Variants in LAMA1 observed in about 807,000 individuals in gnomAD.
LAMA1 encodes laminin subunit alpha-1.
A neutral mutation model predicts 348.7 loss-of-function variants in LAMA1; 219 were observed. That is an observed-to-expected ratio of 0.63 (90% CI 0.56 to 0.70). The LOEUF (loss-of-function observed/expected upper bound fraction) is 0.70, where lower values mean the gene tolerates loss of function less well. Among genes scored for constraint, LAMA1 ranks in the 30% least tolerant of loss-of-function variants. The pLI, the probability that LAMA1 is intolerant of heterozygous loss-of-function variation, is 0.00. For missense variants in LAMA1, 3,744 were observed against 3,888.0 expected (o/e 0.96, Z 0.99); for synonymous variants, 1,487 against 1,491.0 (o/e 1.00, Z 0.06).
intron 1 of LAMA1, among the ~76,000 whole-genome samples, chr18:7,103,278 G>A (rs942738759): frequency 6.6e-5 from 10 of 152,098 alleles, no homozygotes; most frequent in South Asian, 2.1e-4. Context: ...GGTGGCGGGC[G>A]CCTGTAGTCC....
At chr18:7,026,978 C>T (rs562594255) in intron 16 of LAMA1, among the ~76,000 whole-genome samples, 8 of 146,532 alleles carry the variant, frequency 5.5e-5, no homozygotes, top group South Asian at 4.3e-4. Context: ...AGCGAGACTC[C>T]GTCTCAAAAA....
At position 6,942,160 on chromosome 18, in the gene LAMA1, C is replaced by T. The variant is rs145749697; in HGVS notation, c.9147G>A (p.Pro3049=). The change falls in exon 63 of 63, where the codon CCG becomes CCA. Residue 3049 remains proline (P), a synonymous_variant. Coordinates refer to ENST00000389658, the MANE Select transcript of LAMA1 (RefSeq NM_005559.4). ...CLRKLALIKS[P]QVQSFDFSRA... is the part of the protein sequence containing the mutation. ...TGCTGAAGTCAAAGGACTGCACCTG[C>T]GGGCTCTTAATCAGAGCTAGCTTCC... 432 of 1,614,148 alleles carry T rather than the reference C, an allele frequency of 2.7e-4. No individual in the cohort carries two copies. Among genetic ancestry groups the T allele is most frequent in the Non-Finnish European group, 3.5e-4 (414 of 1,180,042 alleles).
chr18:7,040,354 G>A, intron 9 of LAMA1, 118 bp from the exon 10 acceptor site: 1 of 1,017,106 alleles, frequency 9.8e-7, no homozygotes, highest in Non-Finnish European at 1.5e-6. Flanking sequence ...TTTGGCCTCA[G>A]AGTCTCATTT....
chr18:7,047,918 T>C (rs1366762719), intron 5 of LAMA1, among the ~76,000 whole-genome samples: 1 of 152,094 alleles, frequency 6.6e-6, no homozygotes, highest in Non-Finnish European at 1.5e-5. Context: ...AAGCTAAAAC[T>C]ATACAGCTAC....
intron 19 of LAMA1, among the ~76,000 whole-genome samples, chr18:7,021,204 C>G (rs2057913921): frequency 2.6e-5 from 4 of 152,166 alleles, no homozygotes. Context: ...GCCCGGGCCA[C>G]CCTGGGCTGA....
chr18:6,992,720 T>G lies in LAMA1; in HGVS notation c.5009A>C (p.Glu1670Ala). 5 of 1,610,818 alleles carry G rather than the reference T, an allele frequency of 3.1e-6. No homozygotes were observed. Among genetic ancestry groups the G allele is most frequent in the African/African-American group, 1.3e-5 (1 of 74,978 alleles). The change falls in exon 36 of 63, where the codon GAA becomes GCA. Residue 1670 changes from glutamate (E) to alanine (A), a missense_variant and splice_region_variant. Around this residue, in one of 3 missense-constraint regions of LAMA1, gnomAD observed 1,983 missense variants for 1,934.3 expected, o/e 1.03. Transcript: ENST00000389658. ...AIERLQMSITEIMEKTTLNQT... is the reference protein window; with the variant it reads ...AIERLQMSITAIMEKTTLNQT... Reference sequence around the variant, plus strand: ...ATTTAAAGTTGTCTTTTCCATAATTTCTATGGAGAAAATTCATCAATTATT... The same window carrying G: ...ATTTAAAGTTGTCTTTTCCATAATTGCTATGGAGAAAATTCATCAATTATT...
At chr18:6,990,343 C>G (rs188751871) in intron 36 of LAMA1, among the ~76,000 whole-genome samples, 23 of 152,170 alleles carry the variant, frequency 1.5e-4, no homozygotes, top group African/African-American at 5.5e-4. Flanking sequence ...AGAAGGGTAA[C>G]GGTGGGAGGG....
intron 1 of LAMA1, among the ~76,000 whole-genome samples, chr18:7,093,851 C>T (rs113971256): frequency 6.6e-6 from 1 of 150,862 alleles, no homozygotes; most frequent in East Asian, 2.0e-4. Flanking sequence ...ATCGGCTCCC[C>T]GCATCCTCCG....
At chr18:7,091,660 T>C (rs191000792) in intron 1 of LAMA1, among the ~76,000 whole-genome samples, 12 of 152,358 alleles carry the variant, frequency 7.9e-5, no homozygotes, top group Middle Eastern at 3.4e-3. Flanking sequence ...GACCATTTCA[T>C]GAGTATGTGA....
intron 56 of LAMA1, chr18:6,956,318 T>G (rs948992979): frequency 4.3e-6 from 2 of 463,752 alleles, no homozygotes; most frequent in East Asian, 9.6e-5. Context: ...ATGAAGTACT[T>G]ATTTTCATGC....
At chr18:7,069,825 A>G (rs941243967) in intron 3 of LAMA1, among the ~76,000 whole-genome samples, 4 of 151,554 alleles carry the variant, frequency 2.6e-5, no homozygotes, top group African/African-American at 9.7e-5. Flanking sequence ...GCCCCAGAGA[A>G]CCTCTCCCCT....
rs144236117 is a variant in LAMA1 at position 7,026,098 on chromosome 18, C to T, written c.2283G>A (p.Ala761=). 124 of 1,610,814 alleles carry T rather than the reference C, an allele frequency of 7.7e-5. 1 individual carries two copies. Among genetic ancestry groups the T allele is most frequent in the African/African-American group, 5.2e-4 (39 of 74,850 alleles). Reference sequence around the variant, plus strand: ...CACAGTGGACGCCGGTGGTGTTGTGCGCACACGCCTAGGAACATGCACCAG... The same window carrying T: ...CACAGTGGACGCCGGTGGTGTTGTGTGCACACGCCTAGGAACATGCACCAG... ...CNVHGVCIAC[A]HNTTGVHCEQ... is the part of the protein sequence containing the mutation. Residue 761 remains alanine, a synonymous_variant, in exon 17 of 63, where the codon GCG becomes GCA. Coordinates refer to ENST00000389658, the MANE Select transcript of LAMA1 (RefSeq NM_005559.4).
intron 61 of LAMA1, among the ~76,000 whole-genome samples, chr18:6,946,580 G>T (rs1213743184): frequency 1.3e-5 from 2 of 152,104 alleles, no homozygotes; most frequent in East Asian, 1.9e-4. Context: ...TTAGCCGGGT[G>T]TGGTGGTGCA....
intron 18 of LAMA1, 129 bp from the exon 19 acceptor site, chr18:7,023,504 A>G: frequency 3.7e-6 from 3 of 800,852 alleles, no homozygotes; most frequent in Non-Finnish European, 6.3e-6. Flanking sequence ...TGTGAAAGGG[A>G]TATGACTCCC....
intron 19 of LAMA1, among the ~76,000 whole-genome samples, chr18:7,020,082 T>C (rs922891838): frequency 6.6e-6 from 1 of 152,204 alleles, no homozygotes; most frequent in South Asian, 2.1e-4. Context: ...AGGTACTTTA[T>C]ATATATTTTA....
intron 46 of LAMA1, among the ~76,000 whole-genome samples, chr18:6,973,761 T>G (rs2057669055): frequency 6.6e-6 from 1 of 152,190 alleles, no homozygotes; most frequent in Admixed American, 6.5e-5. Flanking sequence ...ACACGTAGAC[T>G]TTCTAAAAGT....
chr18:6,948,025 C>A (rs1453034934), intron 60 of LAMA1, among the ~76,000 whole-genome samples: 1 of 152,218 alleles, frequency 6.6e-6, no homozygotes, highest in Non-Finnish European at 1.5e-5. Flanking sequence ...CCCACCCAAA[C>A]TTCTGCACAG....
In LAMA1 at chr18:6,980,651, G is replaced by A. The variant is rs769630081; in HGVS notation, c.5891-14C>T. 2 of 1,516,612 alleles carry A rather than the reference G, an allele frequency of 1.3e-6. No homozygotes were observed. The highest frequency in any genetic ancestry group is 1.8e-6 in the Non-Finnish European group (2 of 1,092,674). 93.9% of individuals were successfully genotyped at this position (1,516,612 alleles called of 1,614,324 possible). On this transcript the variant is annotated splice_polypyrimidine_tract_variant and intron_variant, in intron 41 of 62. Transcript: ENST00000389658. Reference sequence around the variant, plus strand: ...CCAATGCAATACCTATTTAAAGGGAGAAAAATGTTTCCTTTCAGGTTAGCC... The same window carrying A: ...CCAATGCAATACCTATTTAAAGGGAAAAAAATGTTTCCTTTCAGGTTAGCC...
At chr18:6,997,658 A>G in intron 33 of LAMA1, 84 bp downstream of exon 33, 6 of 1,438,238 alleles carry the variant, frequency 4.2e-6, no homozygotes, top group Non-Finnish European at 5.9e-6. Context: ...TGGGGAGGAC[A>G]CATGGAATGA....
Sources: allele counts gnomAD v4.1 joint callset (sites outside exome capture counted in the v4.1 genomes callset), GRCh38; gene constraint gnomAD v4.1.1; regional missense constraint gnomAD v4.1.1; transcripts MANE v1.5; gene names NCBI Gene and HGNC (gene_info 2026-07-23, HGNC 2026-07-21).